Variants in CNIH4 observed in about 807,000 individuals in gnomAD.
CNIH4 encodes cornichon family member 4, also known as protein cornichon homolog 4.
CNIH4 carries 9 observed loss-of-function variants against 21.5 expected under a neutral mutation model. The ratio of observed to expected loss-of-function variants is 0.42; its 90% confidence interval spans 0.25 to 0.73. The LOEUF is 0.73. Among genes scored for constraint, CNIH4 ranks in the 30% least tolerant of loss-of-function variants. CNIH4 has a pLI of 0.27. For synonymous variants in CNIH4, 67 were observed against 59.1 expected (o/e 1.13, Z -0.61); for missense variants, 159 against 170.0 (o/e 0.94, Z 0.36).
chr1:224,359,096 A>G (rs1672198585), intron 1 of CNIH4, among the ~76,000 whole-genome samples: 1 of 152,146 alleles, frequency 6.6e-6, no homozygotes, highest in South Asian at 2.1e-4. Context: ...TAACGAATAG[A>G]CCATCTGGAG....
chr1:224,371,520 C>A, intron 4 of CNIH4, 97 bp downstream of exon 4: 1 of 1,177,730 alleles, frequency 8.5e-7, no homozygotes, highest in Non-Finnish European at 1.2e-6. Flanking sequence ...CATTGTGGAA[C>A]TTTCGGGGAT....
At chr1:224,371,233 T>A (rs755178837) in intron 3 of CNIH4, 50 bp from the exon 4 acceptor site, 60 of 1,560,212 alleles carry the variant, frequency 3.8e-5, no homozygotes, top group Non-Finnish European at 4.9e-5. Flanking sequence ...TGAATACTTA[T>A]GCCTATGATT....
At chr1:224,370,696 T>G (rs534777249) in intron 3 of CNIH4, among the ~76,000 whole-genome samples, 17 of 152,196 alleles carry the variant, frequency 1.1e-4, no homozygotes, top group Admixed American at 2.0e-4. Context: ...TTTCTACAGA[T>G]GAGTAAAAGG....
rs1362775552 is a variant in CNIH4, at chr1:224,371,394, C to G, written c.363C>G (p.His121Gln). The change falls in exon 4 of 5, where the codon CAC (histidine) becomes CAG (glutamine). Residue 121 changes from histidine to glutamine, a missense_variant. Physicochemically the swap from His to Gln is conservative, Grantham distance 24. Transcript: ENST00000465271. ...AAGCCATGATCAAGCTTGGTTTCCA[C>G]TTGCTCTGCTTCTTCATGTATCTTT... ...MKEAMIKLGF[H>Q]LLCFFMYLYS... 1 of 1,613,974 alleles carries G rather than the reference C, an allele frequency of 6.2e-7. No individual in the cohort carries two copies. Among genetic ancestry groups the G allele is most frequent in the Non-Finnish European group, 8.5e-7 (1 of 1,179,996 alleles).
In CNIH4 at chr1:224,364,055, G is replaced by C. The variant is rs887154363; in HGVS notation, c.139-1824G>C. On this transcript the variant is annotated intron_variant, in intron 2 of 4. Transcript: ENST00000465271. The stretch of plus-strand genomic sequence containing the variant: ...CAAAAAACAGAGGACTTGGTTGAAA[G>C]TCAGTAAACCAAGCATAATAAGGTG... The C allele has an allele frequency of 4.1e-6, 4 of 985,306 alleles. No individual in the cohort carries two copies. In the African/African-American group the frequency reaches 5.2e-5, roughly 13 times the overall value. 61.0% of individuals were successfully genotyped at this position (985,306 alleles called of 1,614,324 possible). A position where few individuals can be genotyped will look rare whatever the true frequency, so the allele number is the denominator to read the frequency against.
rs759507433 is a variant in CNIH4, at chr1:224,360,467, TATA to T, written c.70-22_70-20del. Reference sequence around the variant, plus strand: ...AAATACTTAGTTATTATAAAAGAAATATAATAATTCCTTATCTTGATCATCAGA... The same window carrying T: ...AAATACTTAGTTATTATAAAAGAAATATAATTCCTTATCTTGATCATCAGA... On this transcript the variant is annotated intron_variant, in intron 1 of 4. Coordinates refer to ENST00000465271, the MANE Select transcript of CNIH4 (RefSeq NM_014184.4). 2.6e-6 allele frequency: 3 copies of T among 1,147,490 alleles called. No homozygotes were observed. The African/African-American group carries it at 4.9e-5, about 19-fold the overall frequency. 71.1% of individuals were successfully genotyped at this position (1,147,490 alleles called of 1,614,324 possible). A position where few individuals can be genotyped will look rare whatever the true frequency, so the allele number is the denominator to read the frequency against.
At chr1:224,372,859 C>G (rs1672673776) in intron 4 of CNIH4, among the ~76,000 whole-genome samples, 1 of 151,868 alleles carries the variant, frequency 6.6e-6, no homozygotes, top group South Asian at 2.1e-4. Context: ...GGATTACAGG[C>G]ATGAGCCACC....
intron 1 of CNIH4, among the ~76,000 whole-genome samples, chr1:224,360,015 A>G (rs1449529422): frequency 6.6e-6 from 1 of 152,098 alleles, no homozygotes; most frequent in Non-Finnish European, 1.5e-5. Context: ...GCGCACCTAT[A>G]GTTCCAGCTA....
chr1:224,376,640 C>G lies in CNIH4; in HGVS notation c.*818C>G. ...GATTAGAAGCAGGAATAGTTATTTG[C>G]TGTCTGTGAAATTGAGCCTTTTGGT... On this transcript the variant is annotated 3_prime_UTR_variant, in exon 5 of 5. Coordinates refer to ENST00000465271, the MANE Select transcript of CNIH4 (RefSeq NM_014184.4). 1.0e-6 allele frequency: 1 copy of G among 985,422 alleles called. No individual in the cohort carries two copies. The highest frequency in any genetic ancestry group is 1.7e-5 in the African/African-American group (1 of 57,344). The allele number at this position is 985,422 out of a possible 1,614,324, so 61.0% of individuals were successfully genotyped here. A position where few individuals can be genotyped will look rare whatever the true frequency, so the allele number is the denominator to read the frequency against.
chr1:224,357,175 C>G (rs1156266319), intron 1 of CNIH4, 182 bp downstream of exon 1: 1 of 633,944 alleles, frequency 1.6e-6, no homozygotes, highest in African/African-American at 1.9e-5. Flanking sequence ...GGCTGGCTGC[C>G]CTACCCGACG....
At chr1:224,370,999 C>T (rs1008261128) in intron 3 of CNIH4, among the ~76,000 whole-genome samples, 4 of 151,402 alleles carry the variant, frequency 2.6e-5, no homozygotes, top group African/African-American at 9.7e-5. Context: ...GCCTCAGCTT[C>T]TCGAGTAGCT....
intron 4 of CNIH4, among the ~76,000 whole-genome samples, chr1:224,372,073 G>GC (rs1294747189): frequency 1.3e-5 from 2 of 152,148 alleles, no homozygotes; most frequent in African/African-American, 4.8e-5. Context: ...GCAGCTCTCA[G>GC]CAACTTTTAT....
intron 4 of CNIH4, among the ~76,000 whole-genome samples, chr1:224,371,851 A>G (rs1030793585): frequency 3.9e-5 from 6 of 152,184 alleles, no homozygotes; most frequent in African/African-American, 1.4e-4. Flanking sequence ...CTGAGGCAGG[A>G]GAATCACTTG....
chr1:224,379,140 G>A lies in CNIH4; in HGVS notation c.*3318G>A. 6.5e-7 allele frequency: 1 copy of A among 1,546,398 alleles called. No individual in the cohort carries two copies. Among genetic ancestry groups the A allele is most frequent in the South Asian group, 1.2e-5 (1 of 83,990 alleles). On this transcript the variant is annotated 3_prime_UTR_variant, in exon 5 of 5. Transcript: ENST00000465271. The stretch of plus-strand genomic sequence containing the variant: ...AAGAGGAAGCGAAATCCAAGATGCA[G>A]CTCAGTTCATCAAAGCCTAGCAGGT...
intron 2 of CNIH4, among the ~76,000 whole-genome samples, chr1:224,365,021 G>A (rs536325063): frequency 2.4e-4 from 37 of 151,994 alleles, no homozygotes; most frequent in Non-Finnish European, 5.4e-4. Context: ...AAATCTAAAT[G>A]CAAGAGGTCT....
chr1:224,357,131 G>A, intron 1 of CNIH4, 138 bp downstream of exon 1: 4 of 950,650 alleles, frequency 4.2e-6, no homozygotes, highest in Admixed American at 4.8e-5. Context: ...GGCCTGGCCG[G>A]GGCGGTGGCG....
At chr1:224,371,258 A>G in intron 3 of CNIH4, 25 bp from the exon 4 acceptor site, 1 of 1,598,174 alleles carries the variant, frequency 6.3e-7, no homozygotes, top group East Asian at 2.2e-5. Context: ...TATCCTTCTA[A>G]TGTGTGTATC....
At position 224,364,439 on chromosome 1, in the gene CNIH4, TACA is replaced by T. The variant is rs1337998090; in HGVS notation, c.139-1434_139-1432del. 6 of 922,892 alleles carry T rather than the reference TACA, an allele frequency of 6.5e-6. No individual in the cohort carries two copies. The East Asian group carries it at 7.0e-4, about 108-fold the overall frequency. 57.2% of individuals were successfully genotyped at this position (922,892 alleles called of 1,614,324 possible). On this transcript the variant is annotated intron_variant, in intron 2 of 4. Coordinates refer to ENST00000465271, the MANE Select transcript of CNIH4 (RefSeq NM_014184.4). ...TTACATGTTATTTCATCTAATTCTC[TACA>T]ACAACTTCGTGAGGTAGGTATTATG...
intron 4 of CNIH4, among the ~76,000 whole-genome samples, chr1:224,373,272 T>C (rs1306586100): frequency 1.3e-5 from 2 of 152,206 alleles, no homozygotes; most frequent in Admixed American, 6.5e-5. Flanking sequence ...TGTTCCCTTA[T>C]ATTTGTTTCT....
Sources: allele counts gnomAD v4.1 joint callset (sites outside exome capture counted in the v4.1 genomes callset), GRCh38; gene constraint gnomAD v4.1.1; transcripts MANE v1.5; gene names NCBI Gene and HGNC (gene_info 2026-07-23, HGNC 2026-07-21).